Variants in PTPRT observed in about 807,000 individuals in gnomAD.
PTPRT encodes the protein protein tyrosine phosphatase receptor type T.
In PTPRT, 56 loss-of-function variants were observed where a neutral mutation model predicts 176.8. That is an observed-to-expected ratio of 0.32 (90% CI 0.26 to 0.40). The LOEUF (loss-of-function observed/expected upper bound fraction) is 0.40, where lower values mean the gene tolerates loss of function less well. Ranked by LOEUF, PTPRT falls within the 10% of genes least tolerant of loss-of-function variation. PTPRT has a pLI of 1.00. For synonymous variants in PTPRT, 783 were observed against 739.0 expected, an observed-to-expected ratio of 1.06 and a Z score of -0.96; for missense variants, 1,540 against 1,908.2, an observed-to-expected ratio of 0.81 and a Z score of 3.60.
At chr20:42,901,135 G>A (rs561009517) in intron 1 of PTPRT, among the ~76,000 whole-genome samples, 3 of 152,102 alleles carry the variant, frequency 2.0e-5, no homozygotes, top group East Asian at 3.9e-4. Context: ...AAATAGTCTG[G>A]GCTTCCAGAG....
At chr20:42,199,174 A>G in intron 16 of PTPRT, 66 bp downstream of exon 16, 1 of 1,556,896 alleles carries the variant, frequency 6.4e-7, no homozygotes, top group Non-Finnish European at 8.8e-7. Flanking sequence ...TGTGGGGTTC[A>G]CAGCAGAAGT....
chr20:42,460,804 G>A (rs1019316494), intron 8 of PTPRT, among the ~76,000 whole-genome samples: 4 of 152,114 alleles, frequency 2.6e-5, no homozygotes, highest in Non-Finnish European at 5.9e-5. Flanking sequence ...AGGCCTCCCA[G>A]CCATGCTGAT....
chr20:42,890,607 G>A (rs1366819668), intron 1 of PTPRT, among the ~76,000 whole-genome samples: 2 of 152,114 alleles, frequency 1.3e-5, no homozygotes, highest in Non-Finnish European at 2.9e-5. Flanking sequence ...ACCAAGAGGA[G>A]GAGGAGAAAT....
intron 6 of PTPRT, among the ~76,000 whole-genome samples, chr20:42,735,003 T>G (rs1328840283): frequency 1.3e-5 from 2 of 152,092 alleles, no homozygotes; most frequent in African/African-American, 2.4e-5. Context: ...TCATGAAGAG[T>G]GAATCTTTGC....
At chr20:42,463,757 G>C (rs2071060825) in intron 8 of PTPRT, among the ~76,000 whole-genome samples, 1 of 152,032 alleles carries the variant, frequency 6.6e-6, no homozygotes, top group South Asian at 2.1e-4. Flanking sequence ...CTTGATACTT[G>C]TCTATGTCAT....
chr20:42,976,458 T>C (rs1195309748), intron 1 of PTPRT, among the ~76,000 whole-genome samples: 1 of 152,096 alleles, frequency 6.6e-6, no homozygotes, highest in East Asian at 1.9e-4. Flanking sequence ...CAGGCTCAAG[T>C]GCAGTGGTGC....
chr20:42,938,473 A>T (rs1388602187), intron 1 of PTPRT, among the ~76,000 whole-genome samples: 2 of 152,130 alleles, frequency 1.3e-5, no homozygotes, highest in Non-Finnish European at 1.5e-5. Flanking sequence ...AGGCCCAATC[A>T]TAATATAGAT....
At chr20:43,071,329 A>C (rs1051213139) in intron 1 of PTPRT, among the ~76,000 whole-genome samples, 6 of 151,784 alleles carry the variant, frequency 4.0e-5, no homozygotes, top group African/African-American at 1.2e-4. Context: ...TGGATTGGAA[A>C]CTCTGGGGAT....
chr20:43,091,969 T>C (rs1253382202), intron 1 of PTPRT, among the ~76,000 whole-genome samples: 2 of 152,324 alleles, frequency 1.3e-5, no homozygotes, highest in East Asian at 1.9e-4. Flanking sequence ...TAGCAACTGA[T>C]GGAGTGATCA....
intron 2 of PTPRT, among the ~76,000 whole-genome samples, chr20:42,869,221 G>T: frequency 6.6e-6 from 1 of 151,974 alleles, no homozygotes; most frequent in Non-Finnish European, 1.5e-5. Flanking sequence ...ATGTTCCATG[G>T]AGCCATGGAG....
intron 7 of PTPRT, among the ~76,000 whole-genome samples, chr20:42,600,329 G>A (rs751635959): frequency 3.9e-5 from 6 of 152,048 alleles, no homozygotes; most frequent in Non-Finnish European, 7.4e-5. Flanking sequence ...TAGTAGAGAC[G>A]GGGTTTCACC....
intron 2 of PTPRT, among the ~76,000 whole-genome samples, chr20:42,826,640 C>G (rs960985397): frequency 1.3e-5 from 2 of 152,168 alleles, no homozygotes; most frequent in Non-Finnish European, 2.9e-5. Context: ...ATAAAGCAAC[C>G]ACACAAACAA....
intron 1 of PTPRT, among the ~76,000 whole-genome samples, chr20:43,022,735 A>G (rs535337721): frequency 6.6e-6 from 1 of 152,262 alleles, no homozygotes; most frequent in South Asian, 2.1e-4. Flanking sequence ...TATGTGGCCA[A>G]ATGAGGAGGA....
chr20:42,089,196 T>A (rs532334774), intron 27 of PTPRT, among the ~76,000 whole-genome samples: 1 of 152,216 alleles, frequency 6.6e-6, no homozygotes, highest in South Asian at 2.1e-4. Flanking sequence ...TGTGCAATGA[T>A]GACAAATCCA....
chr20:42,044,744 T>TAC, the PTPRT span, among the ~76,000 whole-genome samples: 1 of 152,220 alleles, frequency 6.6e-6, no homozygotes, highest in African/African-American at 2.4e-5. Context: ...CTCCCACTGC[T>TAC]GCTGTGATAA....
intron 27 of PTPRT, among the ~76,000 whole-genome samples, chr20:42,088,668 A>T (rs1001818078): frequency 6.6e-6 from 1 of 152,226 alleles, no homozygotes; most frequent in African/African-American, 2.4e-5. Flanking sequence ...AGCTACACTT[A>T]TTCATTTATG....
intron 1 of PTPRT, among the ~76,000 whole-genome samples, chr20:42,903,995 T>A (rs989952195): frequency 3.9e-5 from 6 of 152,144 alleles, no homozygotes; most frequent in African/African-American, 1.4e-4. Flanking sequence ...TTACAGGAAG[T>A]GGTCTTTGAT....
chr20:42,456,417 T>C (rs1301300942), intron 8 of PTPRT, among the ~76,000 whole-genome samples: 1 of 152,080 alleles, frequency 6.6e-6, no homozygotes, highest in Non-Finnish European at 1.5e-5. Context: ...TTAATAGAAA[T>C]GATGATATGT....
At chr20:42,545,582 T>C (rs1446637975) in intron 7 of PTPRT, among the ~76,000 whole-genome samples, 1 of 152,216 alleles carries the variant, frequency 6.6e-6, no homozygotes, top group Admixed American at 6.5e-5. Context: ...GAGTCTTCTC[T>C]TCCTACTCAA....
Sources: gnomAD v4.1 joint callset for allele counts (sites outside exome capture counted in the v4.1 genomes callset) on GRCh38, gnomAD v4.1.1 for gene constraint, MANE v1.5 for transcripts, NCBI Gene and HGNC (gene_info 2026-07-23, HGNC 2026-07-21) for gene names.